Variants in COL16A1 observed in about 807,000 individuals in gnomAD.
COL16A1 encodes the protein collagen alpha-1(XVI) chain.
COL16A1 carries 189 observed loss-of-function variants against 266.3 expected under a neutral mutation model. The observed-to-expected ratio is 0.71, with a 90% CI of 0.63 to 0.80. The LOEUF is 0.80. Ranked by LOEUF, COL16A1 falls within the 30% of genes least tolerant of loss-of-function variation. COL16A1 has a pLI of 0.00. For synonymous variants in COL16A1, 740 were observed against 782.3 expected (o/e 0.95, Z 0.90); for missense variants, 1,928 against 2,122.4 (o/e 0.91, Z 1.80).
intron 42 of COL16A1, among the ~76,000 whole-genome samples, chr1:31,678,502 C>T (rs1557651604): frequency 1.3e-5 from 2 of 152,192 alleles, no homozygotes; most frequent in South Asian, 2.1e-4. Flanking sequence ...GATACTCCAT[C>T]GCTCAGAGCC....
At position 31,668,349 on chromosome 1, in the gene COL16A1, A is replaced by T. The variant is rs1642327045; in HGVS notation, c.3250-131T>A. On this transcript the variant is annotated intron_variant, in intron 50 of 70. Transcript: ENST00000373672. This position sits in a 1 kb window ranked among gnomAD's most constrained non-coding sequence, Gnocchi z 5.8. ...AGGTGCCAGCCTGCCCCAGCATTGC[A>T]CACTGGGCCATCTCCCCAAGCCCCA... 1.1e-6 allele frequency: 1 copy of T among 930,394 alleles called. No homozygotes were observed. 57.6% of individuals were successfully genotyped at this position (930,394 alleles called of 1,614,324 possible).
intron 31 of COL16A1, 126 bp from the exon 32 acceptor site, chr1:31,684,357 G>A (rs1643870262): frequency 2.8e-6 from 4 of 1,451,788 alleles, no homozygotes; most frequent in Non-Finnish European, 2.7e-6. Flanking sequence ...AATCAAAACA[G>A]GCCCCTGACA....
chr1:31,667,669 A>C (rs779222979), intron 51 of COL16A1, 41 bp from the exon 52 acceptor site: 20 of 1,563,240 alleles, frequency 1.3e-5, no homozygotes, highest in Non-Finnish European at 1.6e-5. Context: ...GCCCCACAGA[A>C]TTAGTCCGTC....
chr1:31,696,868 C>A, intron 8 of COL16A1, 95 bp downstream of exon 8: 1 of 1,582,192 alleles, frequency 6.3e-7, no homozygotes. Flanking sequence ...GGGCCCATGG[C>A]CAACTGACCC....
chr1:31,662,683 C>T, intron 56 of COL16A1, 25 bp from the exon 57 acceptor site: 2 of 1,045,616 alleles, frequency 1.9e-6, no homozygotes, highest in Non-Finnish European at 2.7e-6. Context: ...CGCCCCCCCC[C>T]CCCGCCCCAC....
At chr1:31,667,786 C>T (rs1642268536) in intron 51 of COL16A1, among the ~76,000 whole-genome samples, 158 bp from the exon 52 acceptor site, 1 of 152,214 alleles carries the variant, frequency 6.6e-6, no homozygotes, top group Non-Finnish European at 1.5e-5. Flanking sequence ...TGCCTCCCAT[C>T]TGCCACCGTG....
intron 20 of COL16A1, 136 bp downstream of exon 20, chr1:31,691,052 A>T (rs1644239866): frequency 7.1e-7 from 1 of 1,401,544 alleles, no homozygotes. Context: ...GGCCAAGCCG[A>T]GCCCAGCCTC....
chr1:31,690,407 G>A lies in COL16A1; in HGVS notation c.1483-14C>T. ...ACCTGGCTTCCCCTGTTAGAAAAGA[G>A]GCAATGGGCATCAGTGCCAGGGCAG... On this transcript the variant is annotated splice_polypyrimidine_tract_variant and intron_variant, in intron 21 of 70. Transcript: ENST00000373672. 6.2e-7 allele frequency: 1 copy of A among 1,614,164 alleles called. No homozygotes were observed. Among genetic ancestry groups the A allele is most frequent in the East Asian group, 2.2e-5 (1 of 44,878 alleles).
At chr1:31,702,265 T>C in intron 1 of COL16A1, 38 bp from the exon 2 acceptor site, 1 of 1,604,108 alleles carries the variant, frequency 6.2e-7, no homozygotes, top group Non-Finnish European at 8.5e-7. Flanking sequence ...GATTTCTGAG[T>C]TCACACAGCA....
At position 31,665,935 on chromosome 1, in the gene COL16A1, CCT is replaced by C. The variant is rs759074972; in HGVS notation, c.3403-2_3403-1del. 6 of 1,613,962 alleles carry C rather than the reference CCT, an allele frequency of 3.7e-6. No individual in the cohort carries two copies. The highest frequency in any genetic ancestry group is 5.1e-6 in the Non-Finnish European group (6 of 1,180,016). Reference sequence around the variant, plus strand: ...TGGGGTCCTCGCTCTCCTCTGGGACCCTGTCACCCACAGAGAACAATGCAGCC... The same window carrying C: ...TGGGGTCCTCGCTCTCCTCTGGGACCGTCACCCACAGAGAACAATGCAGCC... On this transcript the variant is annotated splice_acceptor_variant, in intron 53 of 70. Transcript: ENST00000373672. LOFTEE classifies it high-confidence loss of function.
intron 20 of COL16A1, 114 bp downstream of exon 20, chr1:31,691,074 G>T (rs1182126849): frequency 5.3e-6 from 8 of 1,499,602 alleles, no homozygotes; most frequent in Non-Finnish European, 6.3e-6. Flanking sequence ...TCCTCCAAAG[G>T]CCCGGCCTCC....
rs2148805260 is a variant in COL16A1 at position 31,691,185 on chromosome 1, C to T, written c.1437+3G>A. ...ACGTGACCACACTCCCACCTATGCT[C>T]ACCTTGTCTCCCTTGGGGCCTGGTG... On this transcript the variant is annotated splice_donor_region_variant and intron_variant, in intron 20 of 70. Transcript: ENST00000373672. 6.2e-7 allele frequency: 1 copy of T among 1,613,866 alleles called. No homozygotes were observed. The highest frequency in any genetic ancestry group is 8.5e-7 in the Non-Finnish European group (1 of 1,179,848).
At chr1:31,682,884 C>T in intron 37 of COL16A1, 50 bp downstream of exon 37, 1 of 1,608,920 alleles carries the variant, frequency 6.2e-7, no homozygotes, top group Non-Finnish European at 8.5e-7. Flanking sequence ...CCAGCAGAAA[C>T]ATCCTTGGTT....
intron 26 of COL16A1, chr1:31,686,515 G>GT: frequency 1.5e-6 from 1 of 671,682 alleles, no homozygotes; most frequent in Non-Finnish European, 2.7e-6. Context: ...CCTCAGCCAT[G>GT]TCTCAGCACA....
Position 31,662,673 on chromosome 1 carries a change from C to CGGGGGGGGGGGGGGGGGGGGGGGGGG in COL16A1, c.3556-16_3556-15insCCCCCCCCCCCCCCCCCCCCCCCCCC. 8.5e-7 allele frequency: 1 copy of CGGGGGGGGGGGGGGGGGGGGGGGGGG among 1,174,560 alleles called. No homozygotes were observed. Among genetic ancestry groups the CGGGGGGGGGGGGGGGGGGGGGGGGGG allele is most frequent in the Non-Finnish European group, 1.2e-6 (1 of 836,302 alleles). 72.8% of individuals were successfully genotyped at this position (1,174,560 alleles called of 1,614,324 possible). A position where few individuals can be genotyped will look rare whatever the true frequency, so the allele number is the denominator to read the frequency against. On this transcript the variant is annotated splice_polypyrimidine_tract_variant and intron_variant, in intron 56 of 70. Transcript: ENST00000373672. ...CCTTCGCTGCCCTGGAAACCAGCGC[C>CGGGGGGGGGGGGGGGGGGGGGGGGGG]GCCCCCCCCCCCCGCCCCACAATAA... is the stretch of plus-strand genomic sequence containing the variant.
At position 31,683,835 on chromosome 1, in the gene COL16A1, C is replaced by T; in HGVS notation, c.2338-87G>A. 4 of 1,608,070 alleles carry T rather than the reference C, an allele frequency of 2.5e-6. No homozygotes were observed. The East Asian group carries it at 9.0e-5, about 36-fold the overall frequency. ...CCAGCCCCTTCTCCTCCAGCTTCTT[C>T]CTGCCCTGCACCCTGCCTCCATTTC... is the stretch of plus-strand genomic sequence containing the variant. On this transcript the variant is annotated intron_variant, in intron 33 of 70. Coordinates refer to ENST00000373672, the MANE Select transcript of COL16A1 (RefSeq NM_001856.4).
At chr1:31,671,061 C>A (rs968931195) in intron 48 of COL16A1, among the ~76,000 whole-genome samples, 1 of 152,260 alleles carries the variant, frequency 6.6e-6, no homozygotes, top group Non-Finnish European at 1.5e-5. Context: ...ATTTTCAGTT[C>A]TTTCAATCTT....
intron 68 of COL16A1, 30 bp from the exon 69 acceptor site, chr1:31,654,073 G>A (rs1640885232): frequency 6.3e-7 from 1 of 1,594,252 alleles, no homozygotes; most frequent in Non-Finnish European, 8.6e-7. Context: ...ACAGGGACAG[G>A]TCAGAGGGTC....
rs1293588157 is a variant in COL16A1, at chr1:31,692,764, T to C, written c.1113+3A>G. The C allele has an allele frequency of 1.2e-6, 2 of 1,613,766 alleles. No individual in the cohort carries two copies. Among genetic ancestry groups the C allele is most frequent in the South Asian group, 1.1e-5 (1 of 91,076 alleles). Reference sequence around the variant, plus strand: ...TGAAGCAGGCATCACCTCCAAGTCTTACCTGAAGTGGGGCATCCGGGGAGA... The same window carrying C: ...TGAAGCAGGCATCACCTCCAAGTCTCACCTGAAGTGGGGCATCCGGGGAGA... On this transcript the variant is annotated splice_donor_region_variant and intron_variant, in intron 14 of 70. Coordinates refer to ENST00000373672, the MANE Select transcript of COL16A1 (RefSeq NM_001856.4).
Sources: allele counts gnomAD v4.1 joint callset (sites outside exome capture counted in the v4.1 genomes callset), GRCh38; gene constraint gnomAD v4.1.1; non-coding constraint Gnocchi (gnomAD v3.1); transcripts MANE v1.5; gene names NCBI Gene and HGNC (gene_info 2026-07-23, HGNC 2026-07-21).